Variants in KCNB2 observed in about 807,000 individuals in gnomAD.
KCNB2 encodes the protein delayed rectifier potassium channel protein.
A neutral mutation model predicts 61.5 loss-of-function variants in KCNB2; 15 were observed. That is an observed-to-expected ratio of 0.24 (90% confidence interval 0.16 to 0.38). The LOEUF is 0.38. Among genes scored for constraint, KCNB2 ranks in the 10% least tolerant of loss-of-function variants. The pLI, the probability that KCNB2 is intolerant of heterozygous loss-of-function variation, is 1.00. For missense variants in KCNB2, 828 were observed against 1,125.2 expected (o/e 0.74, Z 3.78); for synonymous variants, 457 against 446.0 (o/e 1.02, Z -0.31).
chr8:72,734,627 G>A (rs375010004), intron 2 of KCNB2, among the ~76,000 whole-genome samples: 2 of 152,092 alleles, frequency 1.3e-5, no homozygotes, highest in African/African-American at 2.4e-5. Flanking sequence ...AATATTCCCC[G>A]GGAGAAGAAA....
chr8:72,676,265 G>A (rs1223586943), intron 2 of KCNB2, among the ~76,000 whole-genome samples: 1 of 152,066 alleles, frequency 6.6e-6, no homozygotes, highest in African/African-American at 2.4e-5. Context: ...AAATCAGAAA[G>A]TAATTGGGTC....
intron 2 of KCNB2, among the ~76,000 whole-genome samples, chr8:72,924,753 T>C (rs934224717): frequency 1.3e-5 from 2 of 152,018 alleles, no homozygotes; most frequent in South Asian, 4.2e-4. Flanking sequence ...GCCCAAACAG[T>C]CTAAATAAGA....
chr8:72,725,887 C>T (rs1807641922), intron 2 of KCNB2, among the ~76,000 whole-genome samples: 1 of 151,804 alleles, frequency 6.6e-6, no homozygotes, highest in South Asian at 2.1e-4. Context: ...TTTAAAAGGC[C>T]TCTAAAAGCA....
intron 2 of KCNB2, among the ~76,000 whole-genome samples, chr8:72,613,270 A>T (rs114768138): frequency 0.011 from 1,647 of 152,318 alleles, 18 homozygotes; most frequent in African/African-American, 0.037. Context: ...AAAAAACCCT[A>T]CAAACAAGCA....
chr8:72,686,237 T>C (rs560983227), intron 2 of KCNB2, among the ~76,000 whole-genome samples: 3 of 152,340 alleles, frequency 2.0e-5, no homozygotes, highest in East Asian at 3.9e-4. Flanking sequence ...ATCCCTTTGA[T>C]AGAGTCTGCA....
intron 2 of KCNB2, among the ~76,000 whole-genome samples, chr8:72,782,170 G>A (rs1482173357): frequency 1.3e-5 from 2 of 152,106 alleles, no homozygotes; most frequent in Non-Finnish European, 2.9e-5. Flanking sequence ...CAAACAGCAT[G>A]TTGGTGTGAG....
intron 2 of KCNB2, among the ~76,000 whole-genome samples, chr8:72,870,864 C>T (rs1341768259): frequency 6.6e-6 from 1 of 152,188 alleles, no homozygotes. Context: ...GTGGTCCCAG[C>T]TACTCAGGAG....
intron 2 of KCNB2, among the ~76,000 whole-genome samples, chr8:72,737,607 T>C (rs945756160): frequency 2.9e-4 from 44 of 152,292 alleles, no homozygotes; most frequent in Admixed American, 2.6e-3. Flanking sequence ...GACATCATGA[T>C]TGAGGTATTG....
intron 2 of KCNB2, among the ~76,000 whole-genome samples, chr8:72,601,127 T>A (rs1030659416): frequency 2.0e-5 from 3 of 152,230 alleles, no homozygotes; most frequent in Non-Finnish European, 2.9e-5. Flanking sequence ...TTTATATGTT[T>A]TAGTTGGCAA....
At chr8:72,830,629 T>G (rs1809679097) in intron 2 of KCNB2, among the ~76,000 whole-genome samples, 1 of 152,188 alleles carries the variant, frequency 6.6e-6, no homozygotes, top group Non-Finnish European at 1.5e-5. Flanking sequence ...GGATTATCTT[T>G]CATGGTTTAT....
chr8:72,762,612 C>T (rs546669661), intron 2 of KCNB2, among the ~76,000 whole-genome samples: 1 of 152,124 alleles, frequency 6.6e-6, no homozygotes, highest in East Asian at 1.9e-4. Context: ...TTGATTTCTT[C>T]ATATGTAAAG....
chr8:72,813,736 C>G (rs1478295714), intron 2 of KCNB2, among the ~76,000 whole-genome samples: 2 of 152,164 alleles, frequency 1.3e-5, no homozygotes, highest in African/African-American at 4.8e-5. Flanking sequence ...TTAAGCATTC[C>G]CATAGAAACA....
At chr8:72,625,779 A>G (rs1022368653) in intron 2 of KCNB2, among the ~76,000 whole-genome samples, 11 of 152,274 alleles carry the variant, frequency 7.2e-5, no homozygotes, top group Non-Finnish European at 1.6e-4. Context: ...AATGCTGGAC[A>G]TATCTCAGCA....
intron 2 of KCNB2, among the ~76,000 whole-genome samples, chr8:72,795,418 G>T (rs1374918768): frequency 6.6e-6 from 1 of 152,158 alleles, no homozygotes; most frequent in African/African-American, 2.4e-5. Context: ...AATATTTTCT[G>T]CCACTACTTT....
intron 2 of KCNB2, among the ~76,000 whole-genome samples, chr8:72,857,953 C>A (rs1259250421): frequency 6.6e-6 from 1 of 152,144 alleles, no homozygotes; most frequent in Non-Finnish European, 1.5e-5. Flanking sequence ...GCAATGTCTA[C>A]ACTCTTTCCA....
intron 2 of KCNB2, among the ~76,000 whole-genome samples, chr8:72,644,043 A>T (rs148404559): frequency 6.6e-6 from 1 of 152,282 alleles, no homozygotes; most frequent in East Asian, 1.9e-4. Flanking sequence ...ATTGAATTGA[A>T]TATTCAGTGA....
intron 2 of KCNB2, among the ~76,000 whole-genome samples, chr8:72,754,833 A>G (rs1220734740): frequency 6.6e-6 from 1 of 152,166 alleles, no homozygotes; most frequent in African/African-American, 2.4e-5. Flanking sequence ...CATGAAATTT[A>G]TATAAGTCCG....
chr8:72,839,874 A>T (rs1477000619), intron 2 of KCNB2, among the ~76,000 whole-genome samples: 2 of 150,928 alleles, frequency 1.3e-5, no homozygotes, highest in Non-Finnish European at 2.9e-5. Flanking sequence ...CCGCCTCCCA[A>T]AGTGCTGGGA....
intron 2 of KCNB2, among the ~76,000 whole-genome samples, chr8:72,568,717 A>G (rs1431366304): frequency 6.6e-6 from 1 of 152,142 alleles, no homozygotes. Context: ...CTGGAAGGAG[A>G]GGAGGTACCT....
Sources: gnomAD v4.1 joint callset for allele counts (sites outside exome capture counted in the v4.1 genomes callset) on GRCh38, gnomAD v4.1.1 for gene constraint, MANE v1.5 for transcripts, NCBI Gene and HGNC (gene_info 2026-07-23, HGNC 2026-07-21) for gene names.